The following ADAMTS12 variants were observed in gnomAD, a reference collection of about 807,000 sequenced individuals.
The protein encoded by ADAMTS12 is ADAM metallopeptidase with thrombospondin type 1 motif 12.
A neutral mutation model predicts 167.8 loss-of-function variants in ADAMTS12; 118 were observed. The observed-to-expected ratio is 0.70, with a 90% CI of 0.61 to 0.82. ADAMTS12 has a LOEUF of 0.82. Among genes scored for constraint, ADAMTS12 ranks in the 40% least tolerant of loss-of-function variants. ADAMTS12 has a pLI of 0.00. For missense variants in ADAMTS12, 1,916 were observed against 1,998.8 expected, an observed-to-expected ratio of 0.96 and a Z score of 0.79; for synonymous variants, 704 against 716.9, an observed-to-expected ratio of 0.98 and a Z score of 0.29.
intron 3 of ADAMTS12, among the ~76,000 whole-genome samples, chr5:33,709,007 A>C (rs1743295201): frequency 6.6e-6 from 1 of 152,146 alleles, no homozygotes; most frequent in Admixed American, 6.6e-5. Context: ...ACAAAAAAAG[A>C]ATACTATGCT....
At chr5:33,676,715 G>A (rs959874903) in intron 5 of ADAMTS12, among the ~76,000 whole-genome samples, 1 of 99,714 alleles carries the variant, frequency 1.0e-5, no homozygotes, top group Non-Finnish European at 2.2e-5. Flanking sequence ...CACAGAGAGA[G>A]AGAGAGAGAG....
intron 2 of ADAMTS12, among the ~76,000 whole-genome samples, chr5:33,758,412 A>G (rs1745238750): frequency 1.3e-5 from 2 of 152,206 alleles, no homozygotes; most frequent in Admixed American, 6.5e-5. Flanking sequence ...GCCTCTTGGC[A>G]TAATGAACAA....
chr5:33,832,232 G>A (rs934167479), intron 2 of ADAMTS12, among the ~76,000 whole-genome samples: 3 of 152,096 alleles, frequency 2.0e-5, no homozygotes, highest in African/African-American at 7.2e-5. Context: ...ATAGGAAGGG[G>A]GTCTTTTATT....
intron 3 of ADAMTS12, among the ~76,000 whole-genome samples, chr5:33,743,684 C>T (rs1191458120): frequency 1.3e-5 from 2 of 152,166 alleles, no homozygotes; most frequent in Non-Finnish European, 2.9e-5. Context: ...TTTCTATCTG[C>T]GTCTATCCAT....
chr5:33,777,901 A>C (rs1745973536), intron 2 of ADAMTS12, among the ~76,000 whole-genome samples: 1 of 152,064 alleles, frequency 6.6e-6, no homozygotes, highest in Admixed American at 6.5e-5. Flanking sequence ...TCCCAAAAGA[A>C]ATTTTTAAAA....
intron 5 of ADAMTS12, among the ~76,000 whole-genome samples, chr5:33,678,104 C>T (rs2112250811): frequency 6.6e-6 from 1 of 152,300 alleles, no homozygotes; most frequent in African/African-American, 2.4e-5. Context: ...ACCTCAGAGA[C>T]CCAATCTCGG....
chr5:33,598,419 C>G (rs565425596), intron 16 of ADAMTS12, among the ~76,000 whole-genome samples: 1 of 152,208 alleles, frequency 6.6e-6, no homozygotes, highest in East Asian at 1.9e-4. Flanking sequence ...GAAAAGAAAA[C>G]AAATAGAATC....
At chr5:33,783,439 C>A (rs77009814) in intron 2 of ADAMTS12, among the ~76,000 whole-genome samples, 7,643 of 151,510 alleles carry the variant, frequency 0.05, 682 homozygotes, top group African/African-American at 0.18. Flanking sequence ...CAACAAAAAA[C>A]CAAAGGCAGG....
At chr5:33,855,277 T>A (rs1422280363) in intron 2 of ADAMTS12, among the ~76,000 whole-genome samples, 2 of 152,240 alleles carry the variant, frequency 1.3e-5, no homozygotes, top group African/African-American at 4.8e-5. Flanking sequence ...GCACACATTT[T>A]AAATGTCACT....
chr5:33,761,535 G>A (rs1287002435), intron 2 of ADAMTS12, among the ~76,000 whole-genome samples: 2 of 152,148 alleles, frequency 1.3e-5, no homozygotes, highest in Admixed American at 6.5e-5. Flanking sequence ...AGAGGAGGTC[G>A]AGTGAGATGT....
At chr5:33,712,602 G>A (rs1743443598) in intron 3 of ADAMTS12, among the ~76,000 whole-genome samples, 1 of 152,032 alleles carries the variant, frequency 6.6e-6, no homozygotes, top group Non-Finnish European at 1.5e-5. Flanking sequence ...GTGGAGAAAA[G>A]AGTTGGTGAG....
intron 19 of ADAMTS12, among the ~76,000 whole-genome samples, chr5:33,574,771 C>A (rs1251998125): frequency 6.6e-6 from 1 of 151,746 alleles, no homozygotes; most frequent in African/African-American, 2.4e-5. Flanking sequence ...AATGAGACTA[C>A]CTATGAAAGT....
At chr5:33,826,323 C>T (rs910115359) in intron 2 of ADAMTS12, among the ~76,000 whole-genome samples, 1 of 151,766 alleles carries the variant, frequency 6.6e-6, no homozygotes, top group South Asian at 2.1e-4. Flanking sequence ...TCAGTGAGGG[C>T]AAATGATTAG....
rs774696145 is a variant in ADAMTS12 at position 33,662,033 on chromosome 5, A to C, written c.923T>G (p.Leu308Arg). 5 of 1,609,758 alleles carry C rather than the reference A, an allele frequency of 3.1e-6. No individual in the cohort carries two copies. Among genetic ancestry groups the C allele is most frequent in the Non-Finnish European group, 4.2e-6 (5 of 1,179,484 alleles). The change falls in exon 6 of 24, where the codon CTG becomes CGG. Residue 308 changes from leucine (L) to arginine (R), a missense_variant. Leu to Arg is a moderately radical substitution (Grantham distance 102). Coordinates refer to ENST00000504830, the MANE Select transcript of ADAMTS12 (RefSeq NM_030955.4). ...CTTTTCTGCATGGTGAACTATTTTCAGTCCTTGCTGGAGAAAGAAGAGGAA... is the reference window on the plus strand; with the variant it reads ...CTTTTCTGCATGGTGAACTATTTTCCGTCCTTGCTGGAGAAAGAAGAGGAA... Reference protein sequence around the residue: ...LILLEEEEQGLKIVHHAEKTL... With the variant: ...LILLEEEEQGRKIVHHAEKTL...
chr5:33,860,844 A>C (rs959297515), intron 2 of ADAMTS12, among the ~76,000 whole-genome samples: 4 of 152,350 alleles, frequency 2.6e-5, no homozygotes, highest in Middle Eastern at 6.8e-3. Flanking sequence ...TCTCTGCAGA[A>C]ACCCTATAAG....
intron 16 of ADAMTS12, among the ~76,000 whole-genome samples, chr5:33,609,116 G>T (rs1326216418): frequency 1.3e-5 from 2 of 151,976 alleles, no homozygotes; most frequent in Admixed American, 1.3e-4. Context: ...AACAAGGAGG[G>T]GTTGTCATAT....
chr5:33,672,136 CAT>C (rs1291484730), intron 5 of ADAMTS12, among the ~76,000 whole-genome samples: 13 of 150,960 alleles, frequency 8.6e-5, no homozygotes, highest in African/African-American at 2.4e-4. Flanking sequence ...CACCCACATA[CAT>C]ACACACACAC....
intron 14 of ADAMTS12, among the ~76,000 whole-genome samples, chr5:33,623,917 T>C (rs535367843): frequency 2.2e-4 from 33 of 152,328 alleles, no homozygotes; most frequent in African/African-American, 7.7e-4. Flanking sequence ...TGGATCCTCT[T>C]GTGATGCTTG....
chr5:33,593,359 G>T (rs891216794), intron 17 of ADAMTS12, among the ~76,000 whole-genome samples: 61 of 152,154 alleles, frequency 4.0e-4, no homozygotes, highest in African/African-American at 1.4e-3. Context: ...CACATACAGA[G>T]GCAGCACAGC....
Sources: allele counts gnomAD v4.1 joint callset (sites outside exome capture counted in the v4.1 genomes callset), GRCh38; gene constraint gnomAD v4.1.1; transcripts MANE v1.5; gene names NCBI Gene and HGNC (gene_info 2026-07-23, HGNC 2026-07-21).